Variants in HCRTR2 observed in about 807,000 individuals in gnomAD.
HCRTR2 encodes the protein orexin receptor type 2.
A neutral mutation model predicts 49.0 loss-of-function variants in HCRTR2; 22 were observed. That is an observed-to-expected ratio of 0.45 (90% CI 0.32 to 0.64). The LOEUF is 0.64. HCRTR2 is among the 30% of genes least tolerant of loss of function. The pLI is 0.04. For synonymous variants in HCRTR2, 236 were observed against 205.3 expected (o/e 1.15, Z -1.28); for missense variants, 491 against 559.4 (o/e 0.88, Z 1.23).
At position 55,282,278 on chromosome 6, in the gene HCRTR2, C is replaced by T. The variant is rs1396999335; in HGVS notation, c.1159C>T (p.His387Tyr). ...AAFSCCCLGV[H>Y]HRQEDRLTRG... ...GTTTTCTTGCTGTTGCCTTGGAGTT[C>T]ACCATCGCCAGGAGGATCGGCTCAC... The change falls in exon 7 of 7, where the codon CAC becomes TAC. Residue 387 changes from histidine to tyrosine, a missense_variant. Transcript: ENST00000370862. The T allele has an allele frequency of 1.9e-6, 3 of 1,613,846 alleles. No individual in the cohort carries two copies. The highest frequency in any genetic ancestry group is 2.5e-6 in the Non-Finnish European group (3 of 1,179,920).
At chr6:55,211,030 A>G (rs1261473503) in intron 1 of HCRTR2, among the ~76,000 whole-genome samples, 1 of 152,154 alleles carries the variant, frequency 6.6e-6, no homozygotes, top group Non-Finnish European at 1.5e-5. Flanking sequence ...AATGCTTATC[A>G]TTGTGTTATA....
intron 3 of HCRTR2, among the ~76,000 whole-genome samples, chr6:55,261,165 T>C (rs1355458579): frequency 6.6e-6 from 1 of 152,170 alleles, no homozygotes; most frequent in Non-Finnish European, 1.5e-5. Flanking sequence ...TAAAAGTAGG[T>C]AGACCATTGT....
intron 1 of HCRTR2, among the ~76,000 whole-genome samples, chr6:55,221,624 T>C (rs552873946): frequency 2.8e-4 from 43 of 151,760 alleles, no homozygotes; most frequent in South Asian, 1.2e-3. Context: ...CCATCCTGGC[T>C]AACACAGTGA....
intron 4 of HCRTR2, among the ~76,000 whole-genome samples, chr6:55,272,373 A>C (rs1766989381): frequency 6.6e-6 from 1 of 152,096 alleles, no homozygotes; most frequent in Admixed American, 6.6e-5. Flanking sequence ...ATGAGAAGTG[A>C]CTGCTAATGG....
At chr6:55,263,890 C>T in intron 4 of HCRTR2, 68 bp downstream of exon 4, 1 of 989,416 alleles carries the variant, frequency 1.0e-6, no homozygotes, top group Non-Finnish European at 1.6e-6. Context: ...TTATTCCTTC[C>T]AAATATTTTG....
At chr6:55,118,383 T>A (rs1764149294) in intron 1 of HCRTR2, among the ~76,000 whole-genome samples, 1 of 151,982 alleles carries the variant, frequency 6.6e-6, no homozygotes, top group Non-Finnish European at 1.5e-5. Flanking sequence ...GTCTTTATAA[T>A]AGAATGATTT....
chr6:55,271,332 T>C (rs1240379869), intron 4 of HCRTR2, among the ~76,000 whole-genome samples: 2 of 152,216 alleles, frequency 1.3e-5, no homozygotes, highest in South Asian at 4.1e-4. Flanking sequence ...AAGACAATTG[T>C]ATATCCACAA....
At chr6:55,198,634 G>A (rs1394575705) in intron 1 of HCRTR2, among the ~76,000 whole-genome samples, 1 of 152,172 alleles carries the variant, frequency 6.6e-6, no homozygotes, top group Non-Finnish European at 1.5e-5. Context: ...TCAGAAAATA[G>A]TGGTGTGGAA....
intron 1 of HCRTR2, among the ~76,000 whole-genome samples, chr6:55,221,670 G>C (rs1026526950): frequency 3.9e-5 from 6 of 151,924 alleles, no homozygotes; most frequent in Admixed American, 3.9e-4. Context: ...AAAATTAGCC[G>C]GGCGTGGTGG....
At chr6:55,226,416 C>A (rs1766005408) in intron 1 of HCRTR2, among the ~76,000 whole-genome samples, 1 of 152,154 alleles carries the variant, frequency 6.6e-6, no homozygotes, top group South Asian at 2.1e-4. Flanking sequence ...TCAAGTGATT[C>A]TCCTGCCTCA....
In HCRTR2 at chr6:55,255,131, T is replaced by C. The variant is rs1766624975; in HGVS notation, c.403-5T>C. The C allele has an allele frequency of 6.2e-7, 1 of 1,613,898 alleles. No homozygotes were observed. Among genetic ancestry groups the C allele is most frequent in the Non-Finnish European group, 8.5e-7 (1 of 1,179,886 alleles). ...CTCTATTACTATGATCTTTCTTTTCTCTAGACCGTGTCGGTGTCTGTGTCT... is the reference window on the plus strand; with the variant it reads ...CTCTATTACTATGATCTTTCTTTTCCCTAGACCGTGTCGGTGTCTGTGTCT... On this transcript the variant is annotated splice_polypyrimidine_tract_variant and splice_region_variant and intron_variant, in intron 2 of 6. Coordinates refer to ENST00000370862, the MANE Select transcript of HCRTR2 (RefSeq NM_001384272.1).
intron 3 of HCRTR2, among the ~76,000 whole-genome samples, chr6:55,259,322 A>G (rs962138630): frequency 6.6e-6 from 1 of 152,124 alleles, no homozygotes; most frequent in Non-Finnish European, 1.5e-5. Context: ...AAGTCTATTA[A>G]TGGGAAGATT....
At chr6:55,203,288 T>C (rs1214945100) in intron 1 of HCRTR2, among the ~76,000 whole-genome samples, 1 of 152,200 alleles carries the variant, frequency 6.6e-6, no homozygotes, top group African/African-American at 2.4e-5. Flanking sequence ...AAAGAATAGC[T>C]TAATTTTTCC....
intron 1 of HCRTR2, among the ~76,000 whole-genome samples, chr6:55,117,445 G>A (rs1204144097): frequency 3.3e-5 from 5 of 151,458 alleles, no homozygotes; most frequent in African/African-American, 4.8e-5. Flanking sequence ...ATACACAATC[G>A]TTGTACATAT....
intron 1 of HCRTR2, among the ~76,000 whole-genome samples, chr6:55,231,312 T>C (rs1581844221): frequency 1.3e-5 from 2 of 152,268 alleles, no homozygotes; most frequent in African/African-American, 2.4e-5. Flanking sequence ...TAAGTTACTG[T>C]AATGAAATTA....
At chr6:55,154,026 A>G (rs948599084) in intron 1 of HCRTR2, among the ~76,000 whole-genome samples, 2 of 151,534 alleles carry the variant, frequency 1.3e-5, no homozygotes, top group African/African-American at 2.4e-5. Flanking sequence ...GACAACCTAG[A>G]AAAAAAATGG....
intron 4 of HCRTR2, among the ~76,000 whole-genome samples, chr6:55,271,196 C>G (rs1279167938): frequency 1.3e-5 from 2 of 152,072 alleles, no homozygotes; most frequent in African/African-American, 4.8e-5. Flanking sequence ...TACAGTTAGT[C>G]ATATAGATCA....
At chr6:55,225,766 TTAAG>T (rs1765992275) in intron 1 of HCRTR2, among the ~76,000 whole-genome samples, 1 of 152,222 alleles carries the variant, frequency 6.6e-6, no homozygotes, top group South Asian at 2.1e-4. Flanking sequence ...GTAATTGTAA[TTAAG>T]TATTTTCTTA....
intron 3 of HCRTR2, among the ~76,000 whole-genome samples, chr6:55,255,863 A>C (rs1766643520): frequency 6.6e-6 from 1 of 152,186 alleles, no homozygotes. Flanking sequence ...CAGAGTCAGC[A>C]TGTGGTTCTC....
Sources: gnomAD v4.1 joint callset for allele counts (sites outside exome capture counted in the v4.1 genomes callset) on GRCh38, gnomAD v4.1.1 for gene constraint, MANE v1.5 for transcripts, NCBI Gene and HGNC (gene_info 2026-07-23, HGNC 2026-07-21) for gene names.